The following NUGGC variants were observed in gnomAD, a reference collection of about 807,000 sequenced individuals.
NUGGC encodes nuclear GTPase, germinal center associated, also known as nuclear GTPase SLIP-GC.
NUGGC carries 58 observed loss-of-function variants against 92.6 expected under a neutral mutation model. That is an observed-to-expected ratio of 0.63 (90% CI 0.51 to 0.78). The LOEUF is 0.78. Among genes scored for constraint, NUGGC ranks in the 30% least tolerant of loss-of-function variants. NUGGC has a pLI of 0.00. For synonymous variants in NUGGC, 376 were observed against 366.4 expected (o/e 1.03, Z -0.30); for missense variants, 925 against 964.6 (o/e 0.96, Z 0.54).
At chr8:28,045,383 C>A (rs549220928) in intron 12 of NUGGC, 144 bp downstream of exon 12, 2 of 712,842 alleles carry the variant, frequency 2.8e-6, no homozygotes, top group African/African-American at 1.8e-5. Context: ...CTCTAATTAT[C>A]TTTTTGTCCT....
At chr8:28,075,888 C>T (rs556682509) in intron 1 of NUGGC, among the ~76,000 whole-genome samples, 24 of 152,296 alleles carry the variant, frequency 1.6e-4, no homozygotes, top group Non-Finnish European at 2.8e-4. Flanking sequence ...CAGATCATCC[C>T]ACACTCCTTA....
intron 8 of NUGGC, chr8:28,060,132 A>G (rs1419517464): frequency 4.0e-6 from 2 of 500,046 alleles, no homozygotes; most frequent in Non-Finnish European, 7.5e-6. Context: ...CACATCACAC[A>G]GTGCAGGAGG....
chr8:28,069,684 T>G, intron 3 of NUGGC, 32 bp from the exon 4 acceptor site: 506 of 1,108,580 alleles, frequency 4.6e-4, no homozygotes, highest in Non-Finnish European at 6.4e-4. Context: ...CACCTGCAGG[T>G]ACCTGGCAGG....
rs747263199 is a variant in NUGGC, at chr8:28,023,272, T to C, written c.*45A>G. 56 of 1,581,296 alleles carry C rather than the reference T, an allele frequency of 3.5e-5. No individual in the cohort carries two copies. The highest frequency in any genetic ancestry group is 4.4e-5 in the Non-Finnish European group (51 of 1,162,888). On this transcript the variant is annotated 3_prime_UTR_variant, in exon 19 of 19. Coordinates refer to ENST00000413272, the MANE Select transcript of NUGGC (RefSeq NM_001010906.2). ...AACAAAAAAAGTAATTCTAATTCTC[T>C]GGCTCTGGGCTGATTTTTCATCCAT...
chr8:28,039,793 C>T (rs1333724793), intron 13 of NUGGC, among the ~76,000 whole-genome samples: 2 of 152,242 alleles, frequency 1.3e-5, no homozygotes, highest in East Asian at 3.8e-4. Context: ...TTGTCCATCA[C>T]ATCTTCCCCT....
In NUGGC at chr8:28,041,226, G is replaced by A. The variant is rs757347968; in HGVS notation, c.1447-11C>T. Reference sequence around the variant, plus strand: ...GTGCAAGTGTTCATTCTAGGGACAAGGACCATAAAAGAATCAGGCCACCCC... The same window carrying A: ...GTGCAAGTGTTCATTCTAGGGACAAAGACCATAAAAGAATCAGGCCACCCC... On this transcript the variant is annotated splice_polypyrimidine_tract_variant and intron_variant, in intron 12 of 18. Transcript: ENST00000413272. 3.1e-6 allele frequency: 5 copies of A among 1,604,198 alleles called. No homozygotes were observed. The South Asian group carries it at 5.6e-5, about 18-fold the overall frequency.
intron 13 of NUGGC, among the ~76,000 whole-genome samples, chr8:28,036,899 G>A (rs1035649116): frequency 1.3e-5 from 2 of 152,198 alleles, no homozygotes; most frequent in Non-Finnish European, 2.9e-5. Context: ...GACTCAGCGG[G>A]TTTGGAGTAC....
intron 7 of NUGGC, among the ~76,000 whole-genome samples, chr8:28,062,498 C>T (rs1389895863): frequency 4.6e-5 from 7 of 152,014 alleles, no homozygotes; most frequent in Admixed American, 1.3e-4. Flanking sequence ...GCACCTGTAG[C>T]CCCAGCTACT....
At chr8:28,068,148 A>T (rs1810492147) in intron 5 of NUGGC, 68 bp downstream of exon 5, 1 of 910,620 alleles carries the variant, frequency 1.1e-6, no homozygotes, top group African/African-American at 1.7e-5. Flanking sequence ...GGAAGGAGGG[A>T]ACGAAAAAGG....
rs373978850 is a variant in NUGGC, at chr8:28,041,077, G to A, written c.1585C>T (p.Arg529Cys). ...EGVRTARTSY[R>C]CILRACLVRS... ...ACCAAGCATGCTCTGAGGATGCAGC[G>A]GTAAGAAGTCCTGGCGGTCCTGACC... The change falls in exon 13 of 19, where the codon CGC becomes TGC. Residue 529 changes from arginine to cysteine, a missense_variant. Transcript: ENST00000413272. 49 of 1,606,044 alleles carry A rather than the reference G, an allele frequency of 3.1e-5. No individual in the cohort carries two copies. The East Asian group carries it at 4.3e-4, about 14-fold the overall frequency.
intron 17 of NUGGC, among the ~76,000 whole-genome samples, chr8:28,028,148 T>C (rs1330750231): frequency 3.3e-5 from 5 of 152,216 alleles, no homozygotes; most frequent in African/African-American, 9.6e-5. Flanking sequence ...TCAGATACAT[T>C]TGTACATGGT....
In NUGGC at chr8:28,026,956, A is replaced by G; in HGVS notation, c.2245+6T>C. On this transcript the variant is annotated splice_donor_region_variant and intron_variant, in intron 18 of 18. Coordinates refer to ENST00000413272, the MANE Select transcript of NUGGC (RefSeq NM_001010906.2). ...CACCCTGTATACAAAGCTTTGGCGT[A>G]TTTACCTGCAAGCTCCTTGTAGAGG... 1 of 1,603,422 alleles carries G rather than the reference A, an allele frequency of 6.2e-7. No individual in the cohort carries two copies. Among genetic ancestry groups the G allele is most frequent in the Non-Finnish European group, 8.5e-7 (1 of 1,170,208 alleles).
chr8:28,082,892 C>G (rs56343134), intron 1 of NUGGC, among the ~76,000 whole-genome samples: 20 of 151,972 alleles, frequency 1.3e-4, no homozygotes, highest in African/African-American at 3.9e-4. Flanking sequence ...GGTAACAGAC[C>G]GAAGCCTCAA....
Position 28,060,440 on chromosome 8 carries a change from C to A in NUGGC, c.1083G>T (p.Leu361Phe). 6.2e-7 allele frequency: 1 copy of A among 1,613,648 alleles called. No homozygotes were observed. The highest frequency in any genetic ancestry group is 1.3e-5 in the African/African-American group (1 of 75,024). The change falls in exon 8 of 19, where the codon TTG becomes TTT. Residue 361 changes from leucine to phenylalanine, a missense_variant. Leu to Phe is a conservative substitution (Grantham distance 22). Coordinates refer to ENST00000413272, the MANE Select transcript of NUGGC (RefSeq NM_001010906.2). The stretch of plus-strand genomic sequence containing the variant: ...CAGCACAATACCTTAGGTATTCTGG[C>A]AAGTGGAGTTTGTCCATCTTGGTGA... ...LVVTKMDKLH[L>F]PEYLRERKAG... is the part of the protein sequence containing the mutation.
intron 2 of NUGGC, among the ~76,000 whole-genome samples, chr8:28,070,653 C>T (rs187961072): frequency 5.3e-4 from 80 of 150,290 alleles, no homozygotes; most frequent in African/African-American, 1.6e-3. Context: ...CAGAGTGCTG[C>T]GGCATGATCA....
intron 1 of NUGGC, among the ~76,000 whole-genome samples, chr8:28,082,563 A>G (rs1439474915): frequency 6.6e-6 from 1 of 152,168 alleles, no homozygotes; most frequent in Non-Finnish European, 1.5e-5. Flanking sequence ...CTAAAACCTG[A>G]TTCTCCCCAT....
intron 8 of NUGGC, 22 bp downstream of exon 8, chr8:28,060,404 C>G (rs2130210694): frequency 1.9e-6 from 3 of 1,612,322 alleles, no homozygotes; most frequent in Middle Eastern, 1.7e-4. Context: ...GAGCCCACAT[C>G]CTTGCAAGCC....
In NUGGC at chr8:28,074,396, C is replaced by T. The variant is rs1456015544; in HGVS notation, c.15G>A (p.Lys5=). MAET[K]DVFGQEPHPV... The stretch of plus-strand genomic sequence containing the variant: ...GATGCGGTTCCTGGCCAAAAACATC[C>T]TTCGTTTCTGCCATTCCTTGTTACG... Residue 5 remains lysine, a synonymous_variant, in exon 2 of 19, where the codon AAG becomes AAA. Coordinates refer to ENST00000413272, the MANE Select transcript of NUGGC (RefSeq NM_001010906.2). The T allele has an allele frequency of 6.2e-7, 1 of 1,613,626 alleles. No homozygotes were observed. The highest frequency in any genetic ancestry group is 8.5e-7 in the Non-Finnish European group (1 of 1,179,730).
chr8:28,068,200 G>C lies in NUGGC; in HGVS notation c.480+16C>G. The C allele has an allele frequency of 6.9e-7, 1 of 1,443,176 alleles. No homozygotes were observed. The highest frequency in any genetic ancestry group is 9.5e-7 in the Non-Finnish European group (1 of 1,052,490). 89.4% of individuals were successfully genotyped at this position (1,443,176 alleles called of 1,614,324 possible). On this transcript the variant is annotated intron_variant, in intron 5 of 18. Coordinates refer to ENST00000413272, the MANE Select transcript of NUGGC (RefSeq NM_001010906.2). ...AGGAAGGAAGGGAAGGAAGGAGGGA[G>C]GAAGGGAACACTTACCTGGTCAGAC...
Sources: gnomAD v4.1 joint callset for allele counts (sites outside exome capture counted in the v4.1 genomes callset) on GRCh38, gnomAD v4.1.1 for gene constraint, MANE v1.5 for transcripts, NCBI Gene and HGNC (gene_info 2026-07-23, HGNC 2026-07-21) for gene names.